The following TRIO variants were observed in gnomAD, a reference collection of about 807,000 sequenced individuals.
TRIO encodes the protein trio Rho guanine nucleotide exchange factor.
Under a neutral mutation model 351.9 loss-of-function variants are expected in TRIO, and 58 were observed. That is an observed-to-expected ratio of 0.16 (90% CI 0.13 to 0.21). The LOEUF is 0.21. Among genes scored for constraint, TRIO ranks in the 10% least tolerant of loss-of-function variants. TRIO has a pLI of 1.00. For missense variants in TRIO, 3,201 were observed against 4,027.8 expected (o/e 0.79, Z 5.56); for synonymous variants, 1,758 against 1,595.7 (o/e 1.10, Z -2.42).
chr5:14,325,568 A>G lies in TRIO; in HGVS notation c.1732-5210A>G, dbSNP rs529436678. ...CATTGATGAGGGATCTGCCCCCATGACTGGAACACCTCCCGGTAGGCCCCA... is the reference window on the plus strand; with the variant it reads ...CATTGATGAGGGATCTGCCCCCATGGCTGGAACACCTCCCGGTAGGCCCCA... On this transcript the variant is annotated intron_variant, in intron 9 of 56. Transcript: ENST00000344204. 3.5e-4 allele frequency among the ~76,000 whole-genome samples: 54 copies of G among 152,304 alleles called. 1 individual carries two copies. Among genetic ancestry groups the G allele is most frequent in the African/African-American group, 1.3e-3 (53 of 41,560 alleles).
chr5:14,239,524 A>G (rs1794000305), intron 1 of TRIO, among the ~76,000 whole-genome samples: 3 of 152,052 alleles, frequency 2.0e-5, no homozygotes, highest in South Asian at 4.2e-4. Flanking sequence ...TTCACTGGGC[A>G]CTCCACTGGG....
intron 1 of TRIO, among the ~76,000 whole-genome samples, chr5:14,192,325 T>A (rs1228026917): frequency 1.3e-5 from 2 of 151,794 alleles, no homozygotes; most frequent in Admixed American, 1.3e-4. Context: ...AGAGGTGTAA[T>A]CTTGGCCCAC....
chr5:14,286,587 G>A lies in TRIO; in HGVS notation c.348-284G>A, dbSNP rs1181258261. On this transcript the variant is annotated intron_variant, in intron 3 of 56. Transcript: ENST00000344204. The surrounding 1 kb of genome is among the most constrained non-coding windows in gnomAD (Gnocchi z 4.4). ...CAAAGTCAGGAGAAATGGGCATGGT[G>A]ACCGTTGTTTTCCTGAAAAGAAGAC... 1.3e-5 allele frequency among the ~76,000 whole-genome samples: 2 copies of A among 152,196 alleles called. No individual in the cohort carries two copies. The highest frequency in any genetic ancestry group is 4.8e-5 in the African/African-American group (2 of 41,444).
Position 14,461,120 on chromosome 5 carries a change from C to A in TRIO, c.5305C>A (p.Pro1769Thr). 1 of 1,557,010 alleles carries A rather than the reference C, an allele frequency of 6.4e-7. No homozygotes were observed. Among genetic ancestry groups the A allele is most frequent in the Non-Finnish European group, 8.7e-7 (1 of 1,151,142 alleles). The part of the protein sequence containing the change: ...GAQSSPGPKR[P>T]GNTLRKWLTS... ...CCAGAGCTCGCCGGGCCCCAAGCGGCCGGGCAACACCCTGCGCAAGTGGCT... is the reference window on the plus strand; with the variant it reads ...CCAGAGCTCGCCGGGCCCCAAGCGGACGGGCAACACCCTGCGCAAGTGGCT... The change falls in exon 35 of 57, where the codon CCG (proline) becomes ACG (threonine). Residue 1769 changes from proline (P) to threonine (T), a missense_variant. Physicochemically the swap from Pro to Thr is conservative, Grantham distance 38. Transcript: ENST00000344204.
intron 49 of TRIO, among the ~76,000 whole-genome samples, chr5:14,495,679 A>AAC (rs1431834299): frequency 6.8e-6 from 1 of 148,042 alleles, no homozygotes; most frequent in East Asian, 1.9e-4. Flanking sequence ...AAAAAAAAAA[A>AAC]AAAAAAAGGC....
At chr5:14,195,179 G>A (rs559775373) in intron 1 of TRIO, among the ~76,000 whole-genome samples, 40 of 152,298 alleles carry the variant, frequency 2.6e-4, no homozygotes, top group South Asian at 6.2e-4. Context: ...AGGAGCACAC[G>A]TTGCATTTAA....
intron 9 of TRIO, among the ~76,000 whole-genome samples, chr5:14,327,884 A>G (rs1740528458): frequency 6.6e-6 from 1 of 152,262 alleles, no homozygotes; most frequent in Admixed American, 6.5e-5. Context: ...ACATTTCTTT[A>G]GCCGTGGAAT....
In TRIO at chr5:14,299,410, G is replaced by C. The variant is rs565699380; in HGVS notation, c.1368+2147G>C. Reference sequence around the variant, plus strand: ...TAGCCTAATGAAGAAGGAGCCCAGCGTGTATTCCAGACCTTAACGAAGCAA... The same window carrying C: ...TAGCCTAATGAAGAAGGAGCCCAGCCTGTATTCCAGACCTTAACGAAGCAA... On this transcript the variant is annotated intron_variant, in intron 7 of 56. Transcript: ENST00000344204. 8.3e-4 allele frequency among the ~76,000 whole-genome samples: 127 copies of C among 152,282 alleles called. 1 individual carries two copies. Among genetic ancestry groups the C allele is most frequent in the Middle Eastern group, 3.4e-3 (1 of 294 alleles).
chr5:14,467,235 T>G (rs989234255), intron 37 of TRIO, among the ~76,000 whole-genome samples: 9 of 152,244 alleles, frequency 5.9e-5, no homozygotes, highest in Non-Finnish European at 1.3e-4. Flanking sequence ...CAGAGTATAC[T>G]TCTTTAAAGT....
intron 1 of TRIO, among the ~76,000 whole-genome samples, chr5:14,169,553 G>T (rs1028418248): frequency 2.6e-5 from 4 of 152,104 alleles, no homozygotes; most frequent in Non-Finnish European, 4.4e-5. Flanking sequence ...TCAAGTCTTT[G>T]GTGTTCTTTA....
At chr5:14,180,100 C>CAAAAA (rs70964542) in intron 1 of TRIO, among the ~76,000 whole-genome samples, 2,347 of 27,744 alleles carry the variant, frequency 0.085, 364 homozygotes, top group Non-Finnish European at 0.097. Flanking sequence ...GACTCCTGCT[C>CAAAAA]AAAAAAAAAA....
At chr5:14,479,665 A>C (rs1755368005) in intron 42 of TRIO, among the ~76,000 whole-genome samples, 1 of 152,040 alleles carries the variant, frequency 6.6e-6, no homozygotes, top group African/African-American at 2.4e-5. Context: ...AATAATATAT[A>C]TATTTATATG....
intron 33 of TRIO, among the ~76,000 whole-genome samples, chr5:14,415,946 A>G (rs780471454): frequency 2.0e-5 from 3 of 152,018 alleles, no homozygotes; most frequent in East Asian, 1.9e-4. Flanking sequence ...GCAAGTGTTA[A>G]TGTGAGTCAT....
At chr5:14,159,976 CG>C (rs1282856226) in intron 1 of TRIO, among the ~76,000 whole-genome samples, 1 of 152,132 alleles carries the variant, frequency 6.6e-6, no homozygotes, top group African/African-American at 2.4e-5. Context: ...TGCATAAAAT[CG>C]CATATGCTCT....
chr5:14,471,637 T>C (rs1754696081), intron 38 of TRIO, among the ~76,000 whole-genome samples, 171 bp downstream of exon 38: 1 of 152,214 alleles, frequency 6.6e-6, no homozygotes, highest in African/African-American at 2.4e-5. Flanking sequence ...AAGGGCACAG[T>C]ATTCCATAGC....
At chr5:14,313,347 G>A (rs1422083099) in intron 8 of TRIO, among the ~76,000 whole-genome samples, 2 of 152,138 alleles carry the variant, frequency 1.3e-5, no homozygotes, top group Non-Finnish European at 2.9e-5. Flanking sequence ...TGTGTCCTTC[G>A]AAATCCAGTC....
intron 5 of TRIO, among the ~76,000 whole-genome samples, chr5:14,291,555 G>A (rs537616347): frequency 1.2e-4 from 18 of 151,942 alleles, no homozygotes; most frequent in East Asian, 3.9e-4. Context: ...TTGGGAGGCC[G>A]AGGTGGGCTG....
At position 14,487,558 on chromosome 5, in the gene TRIO, C is replaced by T. The variant is rs456166; in HGVS notation, c.6930C>T (p.Gly2310=). Reference sequence around the variant, plus strand: ...GCGGCGGGGGTGGGGGCAGCGGCGGCGGCGGGGCCCCCAGTGGCGGCAGCG... The same window carrying T: ...GCGGCGGGGGTGGGGGCAGCGGCGGTGGCGGGGCCCCCAGTGGCGGCAGCG... ...GGSGGGGGSG[G]GGAPSGGSGH... Residue 2310 remains glycine, a synonymous_variant, in exon 48 of 57, where the codon GGC becomes GGT. Transcript: ENST00000344204. 2 of 1,095,118 alleles carry T rather than the reference C, an allele frequency of 1.8e-6. No individual in the cohort carries two copies. Among genetic ancestry groups the T allele is most frequent in the Admixed American group, 5.4e-5 (1 of 18,384 alleles). 67.8% of individuals were successfully genotyped at this position (1,095,118 alleles called of 1,614,324 possible). A position where few individuals can be genotyped will look rare whatever the true frequency, so the allele number is the denominator to read the frequency against.
At chr5:14,492,509 A>T (rs1189850784) in intron 48 of TRIO, 58 bp from the exon 49 acceptor site, 1 of 1,588,648 alleles carries the variant, frequency 6.3e-7, no homozygotes, top group East Asian at 2.2e-5. Context: ...ATTTCATGTG[A>T]TCAGGTCTCG....
Sources: allele counts gnomAD v4.1 joint callset (sites outside exome capture counted in the v4.1 genomes callset), GRCh38; gene constraint gnomAD v4.1.1; non-coding constraint Gnocchi (gnomAD v3.1); transcripts MANE v1.5; gene names NCBI Gene and HGNC (gene_info 2026-07-23, HGNC 2026-07-21).